The following ERP44 variants were observed in gnomAD, a reference collection of about 807,000 sequenced individuals.
ERP44 encodes the protein endoplasmic reticulum protein 44.
ERP44 carries 25 observed loss-of-function variants against 53.4 expected under a neutral mutation model. The observed-to-expected ratio is 0.47, with a 90% CI of 0.34 to 0.65. The LOEUF (loss-of-function observed/expected upper bound fraction) is 0.65, where lower values mean the gene tolerates loss of function less well. Ranked by LOEUF, ERP44 falls within the 30% of genes least tolerant of loss-of-function variation. The pLI is 0.01. For synonymous variants in ERP44, 145 were observed against 161.2 expected, an observed-to-expected ratio of 0.90 and a Z score of 0.76; for missense variants, 338 against 493.2, an observed-to-expected ratio of 0.69 and a Z score of 2.98.
chr9:100,039,336 T>C (rs1460766586), intron 4 of ERP44, among the ~76,000 whole-genome samples: 2 of 152,044 alleles, frequency 1.3e-5, no homozygotes, highest in Non-Finnish European at 2.9e-5. Flanking sequence ...ATCTCAAGCA[T>C]CTCCTCTGAT....
At chr9:100,066,735 C>T (rs1587979300) in intron 1 of ERP44, among the ~76,000 whole-genome samples, 1 of 152,194 alleles carries the variant, frequency 6.6e-6, no homozygotes, top group East Asian at 1.9e-4. Flanking sequence ...TCCACTCTTG[C>T]TTTCAGTTTC....
intron 8 of ERP44, among the ~76,000 whole-genome samples, chr9:100,015,196 G>A (rs1830515639): frequency 6.6e-6 from 1 of 152,182 alleles, no homozygotes. Flanking sequence ...GATTATATGG[G>A]TATGTTTACT....
intron 10 of ERP44, among the ~76,000 whole-genome samples, chr9:99,989,235 T>G (rs1203606026): frequency 6.6e-6 from 1 of 152,212 alleles, no homozygotes; most frequent in Non-Finnish European, 1.5e-5. Flanking sequence ...CCTCCTCAAG[T>G]GGGTCCCTGA....
rs1830341434 is a variant in ERP44 at position 99,998,599 on chromosome 9, A to G, written c.1016+7907T>C. ...CTCTGTGCCTCCTGCCGTCATCCACATGCTGTCTTTGTGCTTCAGATTCTT... is the reference window on the plus strand; with the variant it reads ...CTCTGTGCCTCCTGCCGTCATCCACGTGCTGTCTTTGTGCTTCAGATTCTT... On this transcript the variant is annotated intron_variant, in intron 10 of 11. Coordinates refer to ENST00000262455, the MANE Select transcript of ERP44 (RefSeq NM_015051.3). 4.0e-6 allele frequency: 3 copies of G among 748,772 alleles called. No homozygotes were observed. In the Admixed American group the frequency reaches 5.5e-5, roughly 14 times the overall value. 46.4% of individuals were successfully genotyped at this position (748,772 alleles called of 1,614,324 possible).
In ERP44 at chr9:100,022,082, A is replaced by C; in HGVS notation, c.431T>G (p.Ile144Ser). The C allele has an allele frequency of 6.2e-7, 1 of 1,613,914 alleles. No homozygotes were observed. The highest frequency in any genetic ancestry group is 8.5e-7 in the Non-Finnish European group (1 of 1,179,906). The change falls in exon 5 of 12, where the codon ATT becomes AGT. Residue 144 changes from isoleucine (I) to serine (S), a missense_variant. Physicochemically the swap from Ile to Ser is moderately radical, Grantham distance 142 (BLOSUM62 -2). This residue lies in a region of ERP44 where 224 missense variants were observed against 301.4 expected (regional missense o/e 0.74). Coordinates refer to ENST00000262455, the MANE Select transcript of ERP44 (RefSeq NM_015051.3). ...TTCTGCTAAGTCCCGAATTTCTTGA[A>C]TGGGGTCACTTTTTTGTTGCCTGAT... ...DYIRQQKSDP[I>S]QEIRDLAEIT...
intron 3 of ERP44, among the ~76,000 whole-genome samples, chr9:100,055,234 G>C (rs1224897370): frequency 2.0e-5 from 3 of 152,020 alleles, no homozygotes; most frequent in Admixed American, 6.6e-5. Flanking sequence ...GAATGAATAA[G>C]ATCTAGCAGG....
intron 7 of ERP44, 119 bp from the exon 8 acceptor site, chr9:100,016,557 A>G: frequency 7.4e-7 from 1 of 1,358,134 alleles, no homozygotes; most frequent in South Asian, 1.7e-5. Flanking sequence ...GCTGGAGTAC[A>G]GTGACATGAT....
chr9:100,020,560 C>CAAA lies in ERP44; in HGVS notation c.587+55_587+56insTTT, dbSNP rs1416449837. The CAAA allele has an allele frequency of 4.7e-6, 4 of 848,308 alleles. No homozygotes were observed. The African/African-American group carries it at 5.0e-5, about 11-fold the overall frequency. 52.5% of individuals were successfully genotyped at this position (848,308 alleles called of 1,614,324 possible). A position where few individuals can be genotyped will look rare whatever the true frequency, so the allele number is the denominator to read the frequency against. ...TTCAGGAAATGACCAAATACAACAG[C>CAAA]AATTTAACATGGCAGCCAACCAACC... On this transcript the variant is annotated intron_variant, in intron 6 of 11. Coordinates refer to ENST00000262455, the MANE Select transcript of ERP44 (RefSeq NM_015051.3).
At chr9:99,994,298 T>A (rs569555945) in intron 10 of ERP44, among the ~76,000 whole-genome samples, 1 of 152,192 alleles carries the variant, frequency 6.6e-6, no homozygotes, top group Non-Finnish European at 1.5e-5. Flanking sequence ...GTGGCACATA[T>A]ACACCGTGGA....
intron 4 of ERP44, among the ~76,000 whole-genome samples, chr9:100,035,769 C>A (rs979937483): frequency 2.6e-5 from 4 of 152,204 alleles, no homozygotes; most frequent in African/African-American, 9.6e-5. Context: ...AGACGACATA[C>A]AAGCAGCCAA....
chr9:99,998,288 T>C (rs1830336203), intron 10 of ERP44: 5 of 408,938 alleles, frequency 1.2e-5, no homozygotes, highest in Admixed American at 7.8e-5. Flanking sequence ...GGAGGGCTGG[T>C]GCACGCAGTG....
chr9:100,077,569 G>C (rs997955274), intron 1 of ERP44, among the ~76,000 whole-genome samples: 6 of 152,146 alleles, frequency 3.9e-5, no homozygotes, highest in African/African-American at 1.4e-4. Context: ...TGATCCACTA[G>C]CAAAATTTTT....
chr9:100,001,721 G>T (rs549099995), intron 10 of ERP44, among the ~76,000 whole-genome samples: 1 of 152,138 alleles, frequency 6.6e-6, no homozygotes, highest in Non-Finnish European at 1.5e-5. Flanking sequence ...TAGGTGAAGC[G>T]AATCTCTTGT....
At chr9:99,997,733 ATAGT>A in intron 10 of ERP44, among the ~76,000 whole-genome samples, 2 of 152,278 alleles carry the variant, frequency 1.3e-5, no homozygotes, top group Middle Eastern at 6.8e-3. Context: ...TGAAAGGGCA[ATAGT>A]TGAAGCTATT....
intron 10 of ERP44, among the ~76,000 whole-genome samples, chr9:99,989,310 G>T (rs764356981): frequency 6.6e-6 from 1 of 152,172 alleles, no homozygotes; most frequent in African/African-American, 2.4e-5. Context: ...ATACAGCTGG[G>T]TGCCCCTCTG....
At chr9:100,005,677 T>G (rs1412092767) in intron 10 of ERP44, among the ~76,000 whole-genome samples, 1 of 152,306 alleles carries the variant, frequency 6.6e-6, no homozygotes. Flanking sequence ...CTAGGTAATT[T>G]TAGGATTGGG....
At chr9:99,988,477 G>A (rs1395014595) in intron 10 of ERP44, among the ~76,000 whole-genome samples, 2 of 152,172 alleles carry the variant, frequency 1.3e-5, no homozygotes, top group Non-Finnish European at 2.9e-5. Flanking sequence ...CATTCAGTTA[G>A]TCTAGCACCA....
intron 1 of ERP44, among the ~76,000 whole-genome samples, chr9:100,092,385 C>G (rs548109051): frequency 1.3e-5 from 2 of 152,224 alleles, no homozygotes; most frequent in Non-Finnish European, 2.9e-5. Flanking sequence ...AAAGGAATAC[C>G]CTTTTGTAGT....
At chr9:100,003,118 C>A (rs1248965335) in intron 10 of ERP44, among the ~76,000 whole-genome samples, 1 of 152,096 alleles carries the variant, frequency 6.6e-6, no homozygotes, top group Non-Finnish European at 1.5e-5. Context: ...TTCTTCAGCT[C>A]TAGAATTTGT....
Sources: allele counts gnomAD v4.1 joint callset (sites outside exome capture counted in the v4.1 genomes callset), GRCh38; gene constraint gnomAD v4.1.1; regional missense constraint gnomAD v4.1.1; transcripts MANE v1.5; gene names NCBI Gene and HGNC (gene_info 2026-07-23, HGNC 2026-07-21).